The following SNTG1 variants were observed in gnomAD, a reference collection of about 807,000 sequenced individuals.
SNTG1 encodes the protein gamma-1-syntrophin.
SNTG1 carries 39 observed loss-of-function variants against 74.7 expected under a neutral mutation model. That is an observed-to-expected ratio of 0.52 (90% CI 0.40 to 0.68). SNTG1 has a LOEUF of 0.68. Ranked by LOEUF, SNTG1 falls within the 30% of genes least tolerant of loss-of-function variation. The pLI, the probability that SNTG1 is intolerant of heterozygous loss-of-function variation, is 0.00. For synonymous variants in SNTG1, 254 were observed against 217.1 expected (o/e 1.17, Z -1.49); for missense variants, 685 against 609.5 (o/e 1.12, Z -1.30).
At chr8:49,931,873 G>A (rs1688691028) in intron 1 of SNTG1, among the ~76,000 whole-genome samples, 1 of 152,164 alleles carries the variant, frequency 6.6e-6, no homozygotes, top group African/African-American at 2.4e-5. Flanking sequence ...ATATTAAGTA[G>A]CACCATGGTT....
chr8:50,144,516 C>CT (rs1422017542), intron 1 of SNTG1, among the ~76,000 whole-genome samples: 1 of 152,160 alleles, frequency 6.6e-6, no homozygotes, highest in South Asian at 2.1e-4. Context: ...GGACCTAGTC[C>CT]TTTAAGGTGC....
At chr8:50,351,963 G>A (rs1016416108) in intron 2 of SNTG1, among the ~76,000 whole-genome samples, 3 of 152,186 alleles carry the variant, frequency 2.0e-5, no homozygotes, top group African/African-American at 4.8e-5. Context: ...GGTCCTTGAG[G>A]GAGGAGAGGA....
intron 1 of SNTG1, 56 bp from the exon 2 acceptor site, chr8:50,172,505 A>G (rs1362272209): frequency 6.6e-6 from 1 of 151,250 alleles, no homozygotes; most frequent in African/African-American, 2.4e-5. Context: ...TGTAGATTTC[A>G]TCACTTCTAT....
At chr8:50,271,485 G>A (rs1824462) in intron 2 of SNTG1, among the ~76,000 whole-genome samples, 72,772 of 151,978 alleles carry the variant, frequency 0.48, 19,651 homozygotes, top group East Asian at 0.83. Context: ...TAGGCAGTAA[G>A]TTTTAATGGG....
chr8:50,194,240 G>A (rs1017558385), intron 2 of SNTG1, among the ~76,000 whole-genome samples: 4 of 152,088 alleles, frequency 2.6e-5, no homozygotes, highest in Admixed American at 6.6e-5. Flanking sequence ...TGTTCAATAA[G>A]ATTGGTACCA....
intron 13 of SNTG1, among the ~76,000 whole-genome samples, chr8:50,642,471 T>G (rs1011788554): frequency 1.3e-5 from 2 of 152,186 alleles, no homozygotes; most frequent in African/African-American, 4.8e-5. Context: ...TGTGTGCAAC[T>G]GAAGGCACAT....
Position 50,240,363 on chromosome 8 carries a change from A to T in SNTG1, c.-28+67728A>T, listed in dbSNP as rs117235813. Among the ~76,000 whole-genome samples the T allele has an allele frequency of 2.3e-3, 349 of 152,324 alleles. 1 individual carries two copies. The highest frequency in any genetic ancestry group is 4.2e-3 in the Non-Finnish European group (288 of 68,026). The stretch of plus-strand genomic sequence containing the variant: ...ATTGCTTTTCTCAATACCAGAATTC[A>T]TAATTTCTCCTTAATAATGATTGTG... On this transcript the variant is annotated intron_variant, in intron 2 of 18. Transcript: ENST00000642720.
At chr8:50,107,681 G>T (rs1397018218) in intron 1 of SNTG1, among the ~76,000 whole-genome samples, 1 of 151,892 alleles carries the variant, frequency 6.6e-6, no homozygotes, top group South Asian at 2.1e-4. Context: ...CTCCTAAGTA[G>T]CTGGGATTAC....
At chr8:50,513,214 G>A (rs1199082248) in intron 9 of SNTG1, among the ~76,000 whole-genome samples, 1 of 152,208 alleles carries the variant, frequency 6.6e-6, no homozygotes, top group Non-Finnish European at 1.5e-5. Flanking sequence ...ATCAGCAGTG[G>A]AGGCTGCAGA....
At chr8:50,759,346 G>A (rs1464249983) in intron 18 of SNTG1, among the ~76,000 whole-genome samples, 1 of 151,934 alleles carries the variant, frequency 6.6e-6, no homozygotes, top group Admixed American at 6.6e-5. Flanking sequence ...GGCTTTTGTT[G>A]CCATTGCTTT....
At chr8:49,975,933 T>A (rs1052643990) in intron 1 of SNTG1, among the ~76,000 whole-genome samples, 1 of 152,220 alleles carries the variant, frequency 6.6e-6, no homozygotes, top group African/African-American at 2.4e-5. Flanking sequence ...GTGAATTACA[T>A]GAAATTGTCT....
chr8:50,220,142 C>T (rs2084991465), intron 2 of SNTG1, among the ~76,000 whole-genome samples: 1 of 152,050 alleles, frequency 6.6e-6, no homozygotes, highest in Non-Finnish European at 1.5e-5. Context: ...CTCAAAAAAT[C>T]CCACAGATAA....
chr8:49,955,965 G>A (rs1029578170), intron 1 of SNTG1, among the ~76,000 whole-genome samples: 3 of 152,154 alleles, frequency 2.0e-5, no homozygotes, highest in Non-Finnish European at 4.4e-5. Context: ...TCTATGCCAT[G>A]TTTCTTCTGC....
Position 50,536,810 on chromosome 8 carries a change from T to C in SNTG1, c.680+2T>C. 6.2e-7 allele frequency: 1 copy of C among 1,613,824 alleles called. No individual in the cohort carries two copies. The highest frequency in any genetic ancestry group is 1.3e-5 in the African/African-American group (1 of 75,044). ...TGTGCCCGGCACAGATTTGAGTCGGTGAGTCCGTGTTTAGGAGTTATGACT... is the reference window on the plus strand; with the variant it reads ...TGTGCCCGGCACAGATTTGAGTCGGCGAGTCCGTGTTTAGGAGTTATGACT... On this transcript the variant is annotated splice_donor_variant, in intron 11 of 18. Transcript: ENST00000642720. LOFTEE classifies it high-confidence loss of function.
chr8:50,757,164 C>T (rs535297751), intron 18 of SNTG1, among the ~76,000 whole-genome samples: 6 of 151,846 alleles, frequency 4.0e-5, no homozygotes, highest in Admixed American at 1.3e-4. Flanking sequence ...GAGTTTTTAT[C>T]ACGCATGAGT....
chr8:50,533,337 C>A (rs535030895), intron 10 of SNTG1, among the ~76,000 whole-genome samples: 1 of 152,182 alleles, frequency 6.6e-6, no homozygotes, highest in Non-Finnish European at 1.5e-5. Context: ...GCCCTTTGTG[C>A]AGTTCTGTTC....
chr8:50,698,248 G>A (rs1191930972), intron 15 of SNTG1, among the ~76,000 whole-genome samples: 2 of 152,108 alleles, frequency 1.3e-5, no homozygotes, highest in Non-Finnish European at 2.9e-5. Flanking sequence ...AAGCATAAGG[G>A]TGTGGACTCA....
At chr8:50,217,921 A>G (rs1425104919) in intron 2 of SNTG1, among the ~76,000 whole-genome samples, 1 of 152,190 alleles carries the variant, frequency 6.6e-6, no homozygotes, top group Non-Finnish European at 1.5e-5. Flanking sequence ...AAGGCATATC[A>G]GCTCAGTTCA....
At chr8:50,583,032 A>T (rs946211359) in intron 12 of SNTG1, among the ~76,000 whole-genome samples, 1 of 152,204 alleles carries the variant, frequency 6.6e-6, no homozygotes, top group African/African-American at 2.4e-5. Context: ...TCTTAAAAAA[A>T]TAAGAACTTA....
Sources: gnomAD v4.1 joint callset for allele counts (sites outside exome capture counted in the v4.1 genomes callset) on GRCh38, gnomAD v4.1.1 for gene constraint, MANE v1.5 for transcripts, NCBI Gene and HGNC (gene_info 2026-07-23, HGNC 2026-07-21) for gene names.